The following CMTM8 variants were observed in gnomAD, a reference collection of about 807,000 sequenced individuals.
The protein encoded by CMTM8 is CKLF-like MARVEL transmembrane domain-containing protein 8.
Under a neutral mutation model 18.6 loss-of-function variants are expected in CMTM8, and 12 were observed. That is an observed-to-expected ratio of 0.65 (90% CI 0.41 to 1.05). CMTM8 has a LOEUF of 1.05. CMTM8 is among the 50% of genes least tolerant of loss of function. CMTM8 has a pLI of 0.00. For synonymous variants in CMTM8, 87 were observed against 90.6 expected, an observed-to-expected ratio of 0.96 and a Z score of 0.23; for missense variants, 217 against 227.2, an observed-to-expected ratio of 0.95 and a Z score of 0.29.
In CMTM8 at chr3:32,344,701, C is replaced by T. The variant is rs79969312; in HGVS notation, c.148-12672C>T. 7.1e-3 allele frequency among the ~76,000 whole-genome samples: 1,081 copies of T among 152,168 alleles called. 25 individuals carry two copies. The East Asian group carries it at 0.08, about 11-fold the overall frequency. ...CTTGAGTCTAGGAGTTCGAAGTCAG[C>T]CCGGGCAACATAGTGAGACCCCGGC... On this transcript the variant is annotated intron_variant, in intron 1 of 3. Coordinates refer to ENST00000307526, the MANE Select transcript of CMTM8 (RefSeq NM_178868.5).
At chr3:32,341,800 C>A (rs1004602819) in intron 1 of CMTM8, among the ~76,000 whole-genome samples, 1 of 152,016 alleles carries the variant, frequency 6.6e-6, no homozygotes, top group Non-Finnish European at 1.5e-5. Flanking sequence ...TCACTTGAAC[C>A]CAGGGGTCGG....
At chr3:32,312,396 C>G (rs1209909783) in intron 1 of CMTM8, among the ~76,000 whole-genome samples, 1 of 152,190 alleles carries the variant, frequency 6.6e-6, no homozygotes, top group East Asian at 1.9e-4. Context: ...CAGGTACAAT[C>G]ACTTGCTAGA....
At chr3:32,239,905 C>T (rs1168656945) in intron 1 of CMTM8, among the ~76,000 whole-genome samples, 1 of 152,160 alleles carries the variant, frequency 6.6e-6, no homozygotes, top group African/African-American at 2.4e-5. Context: ...ATCCAACGAC[C>T]ACCCTCCCCT....
chr3:32,346,130 G>T (rs1696590378), intron 1 of CMTM8, among the ~76,000 whole-genome samples: 1 of 152,046 alleles, frequency 6.6e-6, no homozygotes, highest in Non-Finnish European at 1.5e-5. Flanking sequence ...CTCCAGCCTG[G>T]GCAACAAGAG....
At chr3:32,257,843 A>G (rs78999570) in intron 1 of CMTM8, among the ~76,000 whole-genome samples, 12,451 of 152,074 alleles carry the variant, frequency 0.082, 583 homozygotes, top group African/African-American at 0.11. Flanking sequence ...GAATCTCTGT[A>G]CCTCGGCAGT....
chr3:32,279,282 C>T lies in CMTM8; in HGVS notation c.147+40163C>T, dbSNP rs1030107382. ...CATGCTGGTGCGCTGCACCCACCAACGTGTCATCTATCATTAGGTATATCT... is the reference window on the plus strand; with the variant it reads ...CATGCTGGTGCGCTGCACCCACCAATGTGTCATCTATCATTAGGTATATCT... On this transcript the variant is annotated intron_variant, in intron 1 of 3. Coordinates refer to ENST00000307526, the MANE Select transcript of CMTM8 (RefSeq NM_178868.5). 1.2e-4 allele frequency among the ~76,000 whole-genome samples: 18 copies of T among 145,444 alleles called. No individual in the cohort carries two copies. The East Asian group carries it at 2.4e-3, about 19-fold the overall frequency.
intron 1 of CMTM8, among the ~76,000 whole-genome samples, chr3:32,315,900 T>C (rs929890861): frequency 6.6e-6 from 1 of 152,134 alleles, no homozygotes; most frequent in African/African-American, 2.4e-5. Flanking sequence ...TTTTAATGAA[T>C]TGGATCCATT....
intron 3 of CMTM8, among the ~76,000 whole-genome samples, chr3:32,368,336 G>GT (rs1205639973): frequency 1.3e-5 from 2 of 151,734 alleles, no homozygotes; most frequent in Non-Finnish European, 2.9e-5. Context: ...ATTCCATTTA[G>GT]TTTTTTTTAA....
At chr3:32,338,881 C>A (rs1207706155) in intron 1 of CMTM8, among the ~76,000 whole-genome samples, 1 of 152,336 alleles carries the variant, frequency 6.6e-6, no homozygotes. Context: ...GAGCTGCAGT[C>A]ACTTAAAGTT....
chr3:32,247,421 A>G (rs1453588761), intron 1 of CMTM8, among the ~76,000 whole-genome samples: 1 of 152,024 alleles, frequency 6.6e-6, no homozygotes, highest in East Asian at 1.9e-4. Flanking sequence ...CAAGCAGTTC[A>G]CCTGCATCAG....
chr3:32,324,561 A>T (rs188657295), intron 1 of CMTM8, among the ~76,000 whole-genome samples: 3 of 152,302 alleles, frequency 2.0e-5, no homozygotes, highest in Non-Finnish European at 4.4e-5. Flanking sequence ...CTTCTCTAAG[A>T]GGGTGAAAAG....
At chr3:32,352,369 G>A (rs969512186) in intron 1 of CMTM8, among the ~76,000 whole-genome samples, 4 of 152,192 alleles carry the variant, frequency 2.6e-5, no homozygotes, top group African/African-American at 4.8e-5. Context: ...GGTTCTTCAT[G>A]TGTAGTCCCT....
chr3:32,283,519 C>T (rs188930226), intron 1 of CMTM8, among the ~76,000 whole-genome samples: 5 of 152,232 alleles, frequency 3.3e-5, no homozygotes, highest in African/African-American at 1.2e-4. Flanking sequence ...CTGGAGCCTG[C>T]GGAACAGGAT....
intron 1 of CMTM8, among the ~76,000 whole-genome samples, chr3:32,327,580 A>G (rs1301308382): frequency 2.6e-5 from 4 of 152,228 alleles, no homozygotes; most frequent in African/African-American, 9.6e-5. Flanking sequence ...TCTCAGTTGC[A>G]AAATACCAGA....
intron 1 of CMTM8, among the ~76,000 whole-genome samples, chr3:32,249,463 C>T (rs918046568): frequency 2.7e-5 from 4 of 150,310 alleles, no homozygotes; most frequent in African/African-American, 1.0e-4. Flanking sequence ...AATTGAAGCA[C>T]TGCTAGACTG....
At chr3:32,239,158 T>G (rs1357129316) in intron 1 of CMTM8, 39 bp downstream of exon 1, 3 of 1,558,462 alleles carry the variant, frequency 1.9e-6, no homozygotes, top group Non-Finnish European at 2.6e-6. Context: ...GGGGCTCAGC[T>G]GGACCCCGGC....
At chr3:32,275,231 T>C (rs1395227028) in intron 1 of CMTM8, among the ~76,000 whole-genome samples, 1 of 151,646 alleles carries the variant, frequency 6.6e-6, no homozygotes, top group African/African-American at 2.4e-5. Context: ...CTCAGGCTGG[T>C]CTCGAACTCC....
intron 1 of CMTM8, among the ~76,000 whole-genome samples, chr3:32,335,132 A>T (rs185647767): frequency 6.6e-5 from 10 of 152,138 alleles, no homozygotes; most frequent in Admixed American, 5.9e-4. Flanking sequence ...AGGGGCGAGA[A>T]CTCTGTCCTG....
chr3:32,316,585 A>G (rs2125574044), intron 1 of CMTM8, among the ~76,000 whole-genome samples: 1 of 152,338 alleles, frequency 6.6e-6, no homozygotes. Context: ...AGCCTGATGG[A>G]GATGTTGAAT....
Sources: gnomAD v4.1 joint callset for allele counts (sites outside exome capture counted in the v4.1 genomes callset) on GRCh38, gnomAD v4.1.1 for gene constraint, MANE v1.5 for transcripts, NCBI Gene and HGNC (gene_info 2026-07-23, HGNC 2026-07-21) for gene names.